Variants in ASCC3 observed in about 807,000 individuals in gnomAD.
ASCC3 encodes the protein ASC-1 complex subunit P200.
A neutral mutation model predicts 256.3 loss-of-function variants in ASCC3; 158 were observed. The observed-to-expected ratio is 0.62, with a 90% CI of 0.54 to 0.70. ASCC3 has a LOEUF of 0.70. ASCC3 is among the 30% of genes least tolerant of loss of function. The pLI is 0.00. For missense variants in ASCC3, 2,259 were observed against 2,626.0 expected (o/e 0.86, Z 3.05); for synonymous variants, 948 against 883.4 (o/e 1.07, Z -1.30).
intron 16 of ASCC3, among the ~76,000 whole-genome samples, chr6:100,657,515 T>G (rs1271124023): frequency 2.0e-5 from 3 of 151,558 alleles, no homozygotes; most frequent in Admixed American, 1.3e-4. Context: ...CATAGACATA[T>G]GACCTATATT....
At chr6:100,840,657 G>A (rs1304161081) in intron 4 of ASCC3, among the ~76,000 whole-genome samples, 1 of 151,776 alleles carries the variant, frequency 6.6e-6, no homozygotes, top group African/African-American at 2.4e-5. Flanking sequence ...TTACATTATA[G>A]ATTATTCTCA....
chr6:100,864,897 C>T (rs1199219276), intron 2 of ASCC3, among the ~76,000 whole-genome samples: 1 of 152,164 alleles, frequency 6.6e-6, no homozygotes, highest in Non-Finnish European at 1.5e-5. Context: ...CTCTCAAGAA[C>T]TGACCACAGA....
intron 30 of ASCC3, among the ~76,000 whole-genome samples, chr6:100,617,048 AG>A (rs750157787): frequency 2.6e-4 from 39 of 152,082 alleles, no homozygotes; most frequent in Non-Finnish European, 4.7e-4. Context: ...TCTGTCACCC[AG>A]GCTGGAGTGC....
At chr6:100,577,155 C>A (rs976820292) in intron 36 of ASCC3, among the ~76,000 whole-genome samples, 2 of 151,932 alleles carry the variant, frequency 1.3e-5, no homozygotes, top group Non-Finnish European at 2.9e-5. Context: ...TAAAAAAAAT[C>A]ACCTATCACA....
intron 36 of ASCC3, among the ~76,000 whole-genome samples, chr6:100,542,037 A>C (rs1346036787): frequency 1.3e-5 from 2 of 152,194 alleles, no homozygotes; most frequent in Non-Finnish European, 2.9e-5. Flanking sequence ...AAATCAACAC[A>C]ACATCAATGA....
At position 100,524,762 on chromosome 6, in the gene ASCC3, C is replaced by T. The variant is rs1308679566; in HGVS notation, c.5776-6620G>A. ...CAGGCTCTCTCTGCTTCTTAGTATT[C>T]TTTAGACTTATGTTCTCTCTTCCTC... On this transcript the variant is annotated intron_variant, in intron 37 of 41. Coordinates refer to ENST00000369162, the MANE Select transcript of ASCC3 (RefSeq NM_006828.4). 3.3e-5 allele frequency among the ~76,000 whole-genome samples: 5 copies of T among 152,030 alleles called. No homozygotes were observed. The East Asian group carries it at 9.6e-4, about 29-fold the overall frequency.
chr6:100,685,101 G>A (rs753367639), intron 13 of ASCC3, among the ~76,000 whole-genome samples: 2 of 152,094 alleles, frequency 1.3e-5, no homozygotes, highest in Non-Finnish European at 2.9e-5. Flanking sequence ...GCCACCATGC[G>A]CGGCCAAATC....
At chr6:100,595,525 CAGTT>C (rs1371444369) in intron 34 of ASCC3, among the ~76,000 whole-genome samples, 4 of 152,078 alleles carry the variant, frequency 2.6e-5, no homozygotes, top group Non-Finnish European at 5.9e-5. Flanking sequence ...TTAAAACTGA[CAGTT>C]TGTTTTTTGG....
At position 100,693,380 on chromosome 6, in the gene ASCC3, G is replaced by GA. The variant is rs939865787; in HGVS notation, c.2152-13629dup. On this transcript the variant is annotated intron_variant, in intron 13 of 41. Transcript: ENST00000369162. ...AAAACTGAGGGTGGAAAGGCTGTGG[G>GA]AAAAAAAAAAAGCTTTCAAACTCAG... is the stretch of plus-strand genomic sequence containing the variant. Among the ~76,000 whole-genome samples the GA allele has an allele frequency of 2.8e-4, 41 of 144,048 alleles. No homozygotes were observed. In the South Asian group the frequency reaches 3.3e-3, roughly 12 times the overall value. 94.5% of individuals were successfully genotyped at this position (144,048 alleles called of 152,430 possible).
At chr6:100,689,197 G>A (rs1777722601) in intron 13 of ASCC3, among the ~76,000 whole-genome samples, 1 of 152,102 alleles carries the variant, frequency 6.6e-6, no homozygotes, top group Non-Finnish European at 1.5e-5. Flanking sequence ...CTTGCACTCT[G>A]TGTAATCATA....
At chr6:100,760,410 G>A (rs146496368) in intron 10 of ASCC3, among the ~76,000 whole-genome samples, 64 of 152,158 alleles carry the variant, frequency 4.2e-4, no homozygotes, top group African/African-American at 1.2e-3. Flanking sequence ...TGAGATAATC[G>A]TGTGGTTTAT....
rs1582545280 is a variant in ASCC3 at position 100,606,991 on chromosome 6, C to T, written c.4883G>A (p.Arg1628Gln). ...MHHAGLHERD[R>Q]KTVEELFVNC... ...TACAAATAGTTCCTCTACTGTTTTTCGGTCCCTCTCATGTAGTCCAGCATG... is the reference window on the plus strand; with the variant it reads ...TACAAATAGTTCCTCTACTGTTTTTTGGTCCCTCTCATGTAGTCCAGCATG... The change falls in exon 31 of 42, where the codon CGA becomes CAA. Residue 1628 changes from arginine to glutamine, a missense_variant. By Grantham distance (43) the Arg-to-Gln change is conservative (BLOSUM62 1). Around this residue, in one of 2 missense-constraint regions of ASCC3, gnomAD observed 1,839 missense variants for 2,206.7 expected, o/e 0.83. Transcript: ENST00000369162. The T allele has an allele frequency of 6.8e-6, 11 of 1,613,420 alleles. No homozygotes were observed. Among genetic ancestry groups the T allele is most frequent in the African/African-American group, 2.7e-5 (2 of 74,848 alleles).
intron 30 of ASCC3, among the ~76,000 whole-genome samples, chr6:100,622,616 A>G (rs1296694160): frequency 1.3e-5 from 2 of 152,094 alleles, no homozygotes; most frequent in East Asian, 3.8e-4. Context: ...CCCAGAACTT[A>G]AAATAAAAGT....
chr6:100,678,546 C>T (rs1483604938), intron 14 of ASCC3, among the ~76,000 whole-genome samples: 1 of 151,852 alleles, frequency 6.6e-6, no homozygotes, highest in African/African-American at 2.4e-5. Flanking sequence ...AGTACAGTCA[C>T]AATTAAATAT....
intron 36 of ASCC3, among the ~76,000 whole-genome samples, chr6:100,560,037 T>C (rs1714937685): frequency 6.6e-6 from 1 of 152,148 alleles, no homozygotes; most frequent in African/African-American, 2.4e-5. Context: ...AGAATGGTTA[T>C]ACATTAGAAA....
rs529925626 is a variant in ASCC3 at position 100,682,023 on chromosome 6, C to G, written c.2152-2271G>C. On this transcript the variant is annotated intron_variant, in intron 13 of 41. Coordinates refer to ENST00000369162, the MANE Select transcript of ASCC3 (RefSeq NM_006828.4). Reference sequence around the variant, plus strand: ...TAATAATGCCCTGCTGAAGATTCATCAGTTCAGAATTTGTCCAGTTCTATC... The same window carrying G: ...TAATAATGCCCTGCTGAAGATTCATGAGTTCAGAATTTGTCCAGTTCTATC... Among the ~76,000 whole-genome samples, 4 of 152,170 alleles carry G rather than the reference C, an allele frequency of 2.6e-5. No individual in the cohort carries two copies. In the South Asian group the frequency reaches 8.3e-4, roughly 32 times the overall value.
At chr6:100,728,674 AAAAT>A (rs1205444553) in intron 10 of ASCC3, among the ~76,000 whole-genome samples, 9 of 152,172 alleles carry the variant, frequency 5.9e-5, no homozygotes, top group South Asian at 4.1e-4. Flanking sequence ...CTATACAATA[AAAAT>A]AAATAAACTA....
At chr6:100,725,408 T>C (rs988766597) in intron 11 of ASCC3, 131 bp downstream of exon 11, 2 of 1,114,544 alleles carry the variant, frequency 1.8e-6, no homozygotes, top group Non-Finnish European at 2.6e-6. Context: ...CATTCCCCCT[T>C]TTAAAAATAT....
Position 100,509,671 on chromosome 6 carries a change from C to T in ASCC3, c.6462-138G>A, listed in dbSNP as rs567489852. The T allele has an allele frequency of 1.5e-4, 135 of 901,496 alleles. No homozygotes were observed. In the African/African-American group the frequency reaches 1.6e-3, roughly 11 times the overall value. The allele number at this position is 901,496 out of a possible 1,614,324, so 55.8% of individuals were successfully genotyped here. ...ATCCCAGCACTTTGGGAGGCCGAGG[C>T]GGGCGGATCACGAGGTCAGGAGATG... On this transcript the variant is annotated intron_variant, in intron 41 of 41. Transcript: ENST00000369162.
Sources: allele counts gnomAD v4.1 joint callset (sites outside exome capture counted in the v4.1 genomes callset), GRCh38; gene constraint gnomAD v4.1.1; regional missense constraint gnomAD v4.1.1; transcripts MANE v1.5; gene names NCBI Gene and HGNC (gene_info 2026-07-23, HGNC 2026-07-21).